HIVEP3: variants seen among roughly 807,000 people sequenced by gnomAD.
HIVEP3 encodes HIVEP zinc finger 3, also known as transcription factor HIVEP3.
Under a neutral mutation model 152.8 loss-of-function variants are expected in HIVEP3, and 49 were observed. The observed-to-expected ratio is 0.32, with a 90% CI of 0.26 to 0.41. HIVEP3 has a LOEUF of 0.41. Among genes scored for constraint, HIVEP3 ranks in the 10% least tolerant of loss-of-function variants. HIVEP3 has a pLI of 1.00. For missense variants in HIVEP3, 2,790 were observed against 3,103.3 expected (o/e 0.90, Z 2.40); for synonymous variants, 1,269 against 1,289.0 (o/e 0.98, Z 0.33).
chr1:41,919,945 C>T (rs1339331368), upstream of HIVEP3, among the ~76,000 whole-genome samples: 2 of 152,218 alleles, frequency 1.3e-5, no homozygotes, highest in Non-Finnish European at 2.9e-5. Flanking sequence ...CGCCTAAGAG[C>T]AGCGGCAGTG....
chr1:41,620,652 C>G (rs1645034080), intron 3 of HIVEP3, among the ~76,000 whole-genome samples: 1 of 152,174 alleles, frequency 6.6e-6, no homozygotes, highest in Non-Finnish European at 1.5e-5. Flanking sequence ...TTTCCAGCAG[C>G]TCTCACATTC....
intron 3 of HIVEP3, among the ~76,000 whole-genome samples, chr1:41,626,967 T>C (rs1490160567): frequency 2.0e-5 from 3 of 152,164 alleles, no homozygotes; most frequent in African/African-American, 7.2e-5. Flanking sequence ...TCAGTTTCCT[T>C]ATGTGCACAA....
At chr1:41,845,583 C>T (rs1178342885) in intron 1 of HIVEP3, among the ~76,000 whole-genome samples, 2 of 152,136 alleles carry the variant, frequency 1.3e-5, no homozygotes, top group Non-Finnish European at 2.9e-5. Flanking sequence ...CCATTAAAAA[C>T]TCATGTTTTA....
chr1:41,963,529 G>T (rs1570849740), intron 1 of HIVEP3, among the ~76,000 whole-genome samples: 1 of 142,548 alleles, frequency 7.0e-6, no homozygotes, highest in Admixed American at 7.0e-5. Flanking sequence ...GGGGTGGGGG[G>T]AGCGGCGAGG....
chr1:42,018,768 A>C (rs1272689076), intron 1 of HIVEP3, among the ~76,000 whole-genome samples: 2 of 152,196 alleles, frequency 1.3e-5, no homozygotes. Flanking sequence ...CATCAGAGGA[A>C]CCTGAAAATA....
intron 2 of HIVEP3, among the ~76,000 whole-genome samples, chr1:41,670,478 T>G (rs990517838): frequency 1.3e-5 from 2 of 152,220 alleles, no homozygotes; most frequent in Non-Finnish European, 2.9e-5. Flanking sequence ...CTGGGCCCTG[T>G]TCTAGGGACT....
upstream of HIVEP3, among the ~76,000 whole-genome samples, chr1:41,919,592 C>G (rs1644923275): frequency 6.6e-6 from 1 of 152,214 alleles, no homozygotes; most frequent in Non-Finnish European, 1.5e-5. Context: ...CTTTACGATT[C>G]AGACTTAGGC....
chr1:41,963,376 C>A (rs560018913), intron 1 of HIVEP3, among the ~76,000 whole-genome samples: 9 of 152,114 alleles, frequency 5.9e-5, no homozygotes, highest in Admixed American at 2.0e-4. Flanking sequence ...TTTATCCTTG[C>A]GATAGTTTGC....
At chr1:41,800,403 C>T (rs1409911742) in intron 1 of HIVEP3, among the ~76,000 whole-genome samples, 1 of 152,182 alleles carries the variant, frequency 6.6e-6, no homozygotes, top group African/African-American at 2.4e-5. Flanking sequence ...TGGGTCTGGC[C>T]CACTGGAGGA....
intron 1 of HIVEP3, among the ~76,000 whole-genome samples, chr1:41,900,487 C>T (rs571321426): frequency 1.3e-5 from 2 of 152,204 alleles, no homozygotes; most frequent in East Asian, 3.9e-4. Context: ...TAACAGACTT[C>T]GTTTATTATA....
chr1:41,526,791 TCA>T (rs1204277154), intron 5 of HIVEP3, among the ~76,000 whole-genome samples: 1 of 104,744 alleles, frequency 9.5e-6, no homozygotes, highest in Non-Finnish European at 2.0e-5. Flanking sequence ...ACACACACCC[TCA>T]CACGCTCACC....
intron 1 of HIVEP3, among the ~76,000 whole-genome samples, chr1:41,801,687 T>C (rs1291018862): frequency 6.6e-6 from 1 of 151,220 alleles, no homozygotes; most frequent in East Asian, 1.9e-4. Flanking sequence ...GAGCTTGCAG[T>C]GAGCCGAGAT....
At chr1:41,742,666 G>A (rs1420641188) in intron 1 of HIVEP3, among the ~76,000 whole-genome samples, 10 of 152,220 alleles carry the variant, frequency 6.6e-5, no homozygotes, top group Admixed American at 6.5e-4. Flanking sequence ...TAGGGCCTGT[G>A]TGGGGCTTGC....
At chr1:41,923,944 G>C (rs1644953939) in intron 1 of HIVEP3, among the ~76,000 whole-genome samples, 1 of 152,132 alleles carries the variant, frequency 6.6e-6, no homozygotes, top group Non-Finnish European at 1.5e-5. Context: ...TGGTCATCCA[G>C]TCTATGCTTA....
chr1:41,688,866 A>C, intron 2 of HIVEP3, among the ~76,000 whole-genome samples: 1 of 150,374 alleles, frequency 6.7e-6, no homozygotes, highest in Non-Finnish European at 1.5e-5. Context: ...TGTGCTGGCC[A>C]CCTGGAACAC....
At chr1:41,540,534 A>G (rs1281491376) in intron 5 of HIVEP3, among the ~76,000 whole-genome samples, 1 of 152,172 alleles carries the variant, frequency 6.6e-6, no homozygotes, top group Admixed American at 6.5e-5. Flanking sequence ...ACGGATAGAG[A>G]AGGCATTCTA....
chr1:41,562,635 C>CTTTCTTTCTTTCTTTCTT (rs1339783475), intron 5 of HIVEP3, among the ~76,000 whole-genome samples: 14 of 95,812 alleles, frequency 1.5e-4, no homozygotes, highest in African/African-American at 6.4e-4. Context: ...CTCTCTCTCC[C>CTTTCTTTCTTTCTTTCTT]TCTCTCTCTC....
At chr1:41,636,899 C>G (rs1370924529) in intron 2 of HIVEP3, among the ~76,000 whole-genome samples, 2 of 145,350 alleles carry the variant, frequency 1.4e-5, no homozygotes, top group African/African-American at 5.2e-5. Flanking sequence ...GCAGAGGTTG[C>G]AGTGAGCCGA....
chr1:41,948,662 C>T (rs1239663473), intron 1 of HIVEP3, among the ~76,000 whole-genome samples: 1 of 152,080 alleles, frequency 6.6e-6, no homozygotes, highest in Non-Finnish European at 1.5e-5. Context: ...GAGAACCTCA[C>T]GAGGACATAG....
Sources: gnomAD v4.1 joint callset for allele counts (sites outside exome capture counted in the v4.1 genomes callset) on GRCh38, gnomAD v4.1.1 for gene constraint, MANE v1.5 for transcripts, NCBI Gene and HGNC (gene_info 2026-07-23, HGNC 2026-07-21) for gene names.